Variants in MSRB3 observed in about 807,000 individuals in gnomAD.
MSRB3 encodes the protein methionine-R-sulfoxide reductase B3.
A neutral mutation model predicts 21.0 loss-of-function variants in MSRB3; 13 were observed. That is an observed-to-expected ratio of 0.62 (90% CI 0.40 to 0.98). MSRB3 has a LOEUF of 0.98. Among genes scored for constraint, MSRB3 ranks in the 50% least tolerant of loss-of-function variants. The probability of loss-of-function intolerance (pLI) is 0.00; values close to 1 mark genes in which losing one functional copy is unlikely to be tolerated. For missense variants in MSRB3, 199 were observed against 230.3 expected (o/e 0.86, Z 0.88); for synonymous variants, 87 against 88.6 (o/e 0.98, Z 0.10).
At chr12:65,390,455 AC>A (rs1360910976) in intron 5 of MSRB3, among the ~76,000 whole-genome samples, 2 of 152,210 alleles carry the variant, frequency 1.3e-5, no homozygotes, top group African/African-American at 4.8e-5. Context: ...GTTTAGCCTC[AC>A]TATTACTCAT....
intron 5 of MSRB3, among the ~76,000 whole-genome samples, chr12:65,445,819 TA>T (rs1882590940): frequency 6.6e-6 from 1 of 151,916 alleles, no homozygotes; most frequent in South Asian, 2.1e-4. Flanking sequence ...CTAATTTCTG[TA>T]TTTTTAGTAA....
intron 4 of MSRB3, among the ~76,000 whole-genome samples, chr12:65,362,004 G>A (rs918154162): frequency 1.3e-5 from 2 of 152,118 alleles, no homozygotes; most frequent in Non-Finnish European, 2.9e-5. Flanking sequence ...TTTAAACACA[G>A]TGAATAGCTA....
intron 5 of MSRB3, among the ~76,000 whole-genome samples, chr12:65,377,914 T>C (rs944862948): frequency 1.3e-5 from 2 of 152,236 alleles, no homozygotes; most frequent in African/African-American, 2.4e-5. Flanking sequence ...AACTCATAGT[T>C]ACATGTTGAA....
intron 5 of MSRB3, among the ~76,000 whole-genome samples, chr12:65,443,431 G>A (rs560096047): frequency 6.6e-6 from 1 of 152,132 alleles, no homozygotes; most frequent in Admixed American, 6.6e-5. Context: ...TTTGATATTT[G>A]TAAAAAAAAT....
chr12:65,340,624 C>G (rs576761163), intron 4 of MSRB3, among the ~76,000 whole-genome samples: 1 of 151,790 alleles, frequency 6.6e-6, no homozygotes, highest in Non-Finnish European at 1.5e-5. Flanking sequence ...AAATGTAGAA[C>G]TGTTAAATAA....
intron 5 of MSRB3, among the ~76,000 whole-genome samples, chr12:65,371,863 A>T (rs1878348201): frequency 1.3e-5 from 2 of 152,214 alleles, no homozygotes; most frequent in East Asian, 3.9e-4. Context: ...TTTTTACAAA[A>T]GCAAATCCTC....
At chr12:65,450,073 C>T (rs1262828883) in intron 5 of MSRB3, among the ~76,000 whole-genome samples, 1 of 151,770 alleles carries the variant, frequency 6.6e-6, no homozygotes, top group Non-Finnish European at 1.5e-5. Flanking sequence ...ATTTATTAAG[C>T]TACATTATGG....
intron 1 of MSRB3, among the ~76,000 whole-genome samples, chr12:65,291,126 C>T (rs1042241462): frequency 2.6e-5 from 4 of 151,814 alleles, no homozygotes; most frequent in Admixed American, 6.6e-5. Flanking sequence ...ACTCTTGTCA[C>T]CCAGGCTGGA....
At chr12:65,280,682 A>G (rs541579368) in intron 1 of MSRB3, among the ~76,000 whole-genome samples, 3 of 152,208 alleles carry the variant, frequency 2.0e-5, no homozygotes, top group Admixed American at 6.5e-5. Context: ...GCTCTTTGCT[A>G]CTTATCTAGA....
intron 4 of MSRB3, among the ~76,000 whole-genome samples, chr12:65,345,393 G>T (rs1276296142): frequency 6.6e-6 from 1 of 151,988 alleles, no homozygotes; most frequent in East Asian, 1.9e-4. Flanking sequence ...AAGTCAAATG[G>T]TTGCTTTATC....
At chr12:65,426,127 G>A (rs918511593) in intron 5 of MSRB3, among the ~76,000 whole-genome samples, 10 of 152,140 alleles carry the variant, frequency 6.6e-5, no homozygotes, top group African/African-American at 2.4e-4. Context: ...CTCCCAAAGT[G>A]TTGGGATTAC....
intron 5 of MSRB3, among the ~76,000 whole-genome samples, chr12:65,395,919 G>A (rs950069021): frequency 6.6e-6 from 1 of 152,094 alleles, no homozygotes. Flanking sequence ...CCTAGCAAGA[G>A]GCTTATCAAT....
chr12:65,459,016 G>A (rs1883208039), intron 6 of MSRB3, among the ~76,000 whole-genome samples: 1 of 152,230 alleles, frequency 6.6e-6, no homozygotes, highest in South Asian at 2.1e-4. Flanking sequence ...AGTGAAGTAA[G>A]TTCCTTCTAG....
At chr12:65,331,319 AG>A (rs1315618529) in intron 4 of MSRB3, among the ~76,000 whole-genome samples, 3 of 152,242 alleles carry the variant, frequency 2.0e-5, no homozygotes, top group African/African-American at 7.2e-5. Context: ...AGAAATGAAA[AG>A]AAATTCTAAA....
intron 6 of MSRB3, among the ~76,000 whole-genome samples, chr12:65,462,441 C>T (rs1438732947): frequency 6.6e-6 from 1 of 152,132 alleles, no homozygotes; most frequent in Non-Finnish European, 1.5e-5. Context: ...TCTTCCCCAG[C>T]TTTTTGAATA....
chr12:65,333,820 G>T (rs1390154454), intron 4 of MSRB3, among the ~76,000 whole-genome samples: 1 of 152,092 alleles, frequency 6.6e-6, no homozygotes, highest in East Asian at 1.9e-4. Context: ...TTTCACAATG[G>T]CAAAGCCATA....
intron 2 of MSRB3, among the ~76,000 whole-genome samples, 175 bp from the exon 3 acceptor site, chr12:65,326,651 A>T (rs1057456007): frequency 1.3e-5 from 2 of 152,228 alleles, no homozygotes; most frequent in Admixed American, 1.3e-4. Flanking sequence ...AGAAACATTC[A>T]TTTTAAACGT....
chr12:65,285,357 C>CATT (rs1210532252), intron 1 of MSRB3: 1 of 152,144 alleles, frequency 6.6e-6, no homozygotes, highest in Non-Finnish European at 1.5e-5. Flanking sequence ...TGTTACTGGG[C>CATT]ATTGCTGTGA....
intron 6 of MSRB3, among the ~76,000 whole-genome samples, chr12:65,457,753 A>G (rs1883154882): frequency 7.9e-6 from 1 of 126,740 alleles, no homozygotes; most frequent in Non-Finnish European, 1.5e-5. Flanking sequence ...AATTTACAAG[A>G]AAAAAAAAAA....
Sources: gnomAD v4.1 joint callset for allele counts (sites outside exome capture counted in the v4.1 genomes callset) on GRCh38, gnomAD v4.1.1 for gene constraint, MANE v1.5 for transcripts, NCBI Gene and HGNC (gene_info 2026-07-23, HGNC 2026-07-21) for gene names.